The following ARMH3 variants were observed in gnomAD, a reference collection of about 807,000 sequenced individuals.
ARMH3 encodes armadillo-like helical domain-containing protein 3.
A neutral mutation model predicts 99.1 loss-of-function variants in ARMH3; 60 were observed. The ratio of observed to expected loss-of-function variants is 0.61; its 90% CI spans 0.49 to 0.75. The LOEUF is 0.75. Ranked by LOEUF, ARMH3 falls within the 30% of genes least tolerant of loss-of-function variation. ARMH3 has a pLI of 0.00. For synonymous variants in ARMH3, 285 were observed against 292.8 expected (o/e 0.97, Z 0.27); for missense variants, 679 against 843.1 (o/e 0.81, Z 2.41).
intron 8 of ARMH3, among the ~76,000 whole-genome samples, chr10:102,014,308 C>T (rs971992698): frequency 1.3e-5 from 2 of 152,212 alleles, no homozygotes; most frequent in African/African-American, 2.4e-5. Context: ...ATCACTTCTA[C>T]GATCTTTCCC....
chr10:102,007,891 C>T (rs895545009), intron 13 of ARMH3, among the ~76,000 whole-genome samples: 7 of 150,062 alleles, frequency 4.7e-5, no homozygotes, highest in African/African-American at 1.7e-4. Context: ...CCTTCCTGTT[C>T]CACAACAAAC....
chr10:101,983,763 T>A (rs963525403), intron 19 of ARMH3, among the ~76,000 whole-genome samples: 2 of 152,178 alleles, frequency 1.3e-5, no homozygotes, highest in South Asian at 2.1e-4. Context: ...ACCCTATGTA[T>A]CTCTTCATCT....
chr10:101,974,207 A>G (rs895112726), intron 20 of ARMH3, among the ~76,000 whole-genome samples: 7 of 152,232 alleles, frequency 4.6e-5, no homozygotes, highest in African/African-American at 1.7e-4. Context: ...CATTAACTAA[A>G]GATCTCTACT....
At chr10:101,901,426 C>G (rs1330158300) in intron 23 of ARMH3, among the ~76,000 whole-genome samples, 1 of 152,044 alleles carries the variant, frequency 6.6e-6, no homozygotes, top group African/African-American at 2.4e-5. Context: ...GAACATTTAC[C>G]ATAAAGCCCA....
At chr10:101,857,191 C>A (rs185212093) in intron 24 of ARMH3, among the ~76,000 whole-genome samples, 4 of 152,156 alleles carry the variant, frequency 2.6e-5, no homozygotes, top group Non-Finnish European at 5.9e-5. Context: ...GGTGCAGTGG[C>A]TCATATCTGT....
At chr10:102,000,767 C>T (rs551527554) in intron 15 of ARMH3, among the ~76,000 whole-genome samples, 74 of 151,186 alleles carry the variant, frequency 4.9e-4, no homozygotes, top group Non-Finnish European at 1.0e-3. Context: ...GAGACCCTGC[C>T]TTCAAAAAAC....
At chr10:101,858,677 G>A (rs1329494352) in intron 24 of ARMH3, among the ~76,000 whole-genome samples, 1 of 152,150 alleles carries the variant, frequency 6.6e-6, no homozygotes, top group Non-Finnish European at 1.5e-5. Context: ...TTCCTGTGGA[G>A]GAAAGAATAT....
In ARMH3 at chr10:101,905,330, G is replaced by C. The variant is rs184298494; in HGVS notation, c.1782-15840C>G. Reference sequence around the variant, plus strand: ...TTATCGTAACATATTGGATTGTGCTGGGGCAGGAATTACGGAAGTAAAAAA... The same window carrying C: ...TTATCGTAACATATTGGATTGTGCTCGGGCAGGAATTACGGAAGTAAAAAA... On this transcript the variant is annotated intron_variant, in intron 23 of 25. Transcript: ENST00000370033. Among the ~76,000 whole-genome samples, 6 of 152,274 alleles carry C rather than the reference G, an allele frequency of 3.9e-5. No individual in the cohort carries two copies. The East Asian group carries it at 1.2e-3, about 29-fold the overall frequency.
At chr10:101,918,880 T>C (rs577908445) in intron 23 of ARMH3, among the ~76,000 whole-genome samples, 1 of 152,258 alleles carries the variant, frequency 6.6e-6, no homozygotes, top group African/African-American at 2.4e-5. Flanking sequence ...AAAAAGAACA[T>C]CCAGCTTTTC....
chr10:102,033,028 G>T lies in ARMH3; in HGVS notation c.304C>A (p.Gln102Lys). The T allele has an allele frequency of 6.2e-7, 1 of 1,613,952 alleles. No individual in the cohort carries two copies. The highest frequency in any genetic ancestry group is 8.5e-7 in the Non-Finnish European group (1 of 1,179,944). Reference sequence around the variant, plus strand: ...TCCCCAGTCTCCCAGCCTTGTACCTGCAATGCATTGACAACCCGAATTGGA... The same window carrying T: ...TCCCCAGTCTCCCAGCCTTGTACCTTCAATGCATTGACAACCCGAATTGGA... ...EHPIRVVNAL[Q>K]TLCALIRGVH... The change falls in exon 4 of 26, where the codon CAG (glutamine) becomes AAG (lysine). Residue 102 changes from glutamine to lysine, a missense_variant and splice_region_variant. Coordinates refer to ENST00000370033, the MANE Select transcript of ARMH3 (RefSeq NM_024541.3).
At chr10:101,858,187 A>G (rs1234733975) in intron 24 of ARMH3, among the ~76,000 whole-genome samples, 1 of 152,262 alleles carries the variant, frequency 6.6e-6, no homozygotes, top group African/African-American at 2.4e-5. Flanking sequence ...AGATCTTGGC[A>G]GGTCACTGTT....
intron 22 of ARMH3, among the ~76,000 whole-genome samples, chr10:101,955,690 C>A (rs553726808): frequency 6.6e-6 from 1 of 152,202 alleles, no homozygotes; most frequent in South Asian, 2.1e-4. Flanking sequence ...TGAAGCAAAC[C>A]AATCTACAGT....
chr10:101,873,963 G>A (rs1307569941), intron 24 of ARMH3, among the ~76,000 whole-genome samples: 1 of 152,078 alleles, frequency 6.6e-6, no homozygotes, highest in African/African-American at 2.4e-5. Flanking sequence ...ACAGATCTTT[G>A]GGTGGATATA....
At chr10:102,029,911 GGTTTTTTTGTTTGTTT>G (rs1564865541) in intron 4 of ARMH3, among the ~76,000 whole-genome samples, 166 bp from the exon 5 acceptor site, 2 of 151,300 alleles carry the variant, frequency 1.3e-5, no homozygotes, top group Non-Finnish European at 3.0e-5. Context: ...CGTTTGGTTC[GGTTTTTTTGTTTGTTT>G]GTTTTTTTTT....
At chr10:101,921,591 G>A (rs774876462) in intron 23 of ARMH3, among the ~76,000 whole-genome samples, 23 of 152,114 alleles carry the variant, frequency 1.5e-4, no homozygotes, top group African/African-American at 4.6e-4. Flanking sequence ...AAGTGTCTAC[G>A]AATGGACAAA....
At chr10:101,879,425 C>T (rs1017292863) in intron 24 of ARMH3, among the ~76,000 whole-genome samples, 1 of 151,236 alleles carries the variant, frequency 6.6e-6, no homozygotes, top group Non-Finnish European at 1.5e-5. Context: ...TCTTGGCTTA[C>T]TGCAACCTCC....
At chr10:101,871,793 G>A (rs1041680687) in intron 24 of ARMH3, among the ~76,000 whole-genome samples, 8 of 152,110 alleles carry the variant, frequency 5.3e-5, no homozygotes, top group African/African-American at 1.9e-4. Context: ...TTGAGGCCAG[G>A]AGTTCAAGAC....
intron 23 of ARMH3, among the ~76,000 whole-genome samples, chr10:101,899,745 C>A (rs2067928413): frequency 6.6e-6 from 1 of 152,218 alleles, no homozygotes; most frequent in Non-Finnish European, 1.5e-5. Context: ...ATCCTTCTAA[C>A]TTACCCCCTA....
chr10:102,023,512 G>A lies in ARMH3; in HGVS notation c.634C>T (p.Leu212Phe). Reference sequence around the variant, plus strand: ...CTATAGTTCACCAGCAAAGCCAAGAGGACGACAGCATCATACCCATGCTCC... The same window carrying A: ...CTATAGTTCACCAGCAAAGCCAAGAAGACGACAGCATCATACCCATGCTCC... ...RREHGYDAVVLLALLVNYRKY... is the reference protein window; with the variant it reads ...RREHGYDAVVFLALLVNYRKY... The change falls in exon 8 of 26, where the codon CTC becomes TTC. Residue 212 changes from leucine to phenylalanine, a missense_variant. By Grantham distance (22) the Leu-to-Phe change is conservative. This residue lies in a region of ARMH3 where 280 missense variants were observed against 354.6 expected (regional missense o/e 0.79). Transcript: ENST00000370033. The A allele has an allele frequency of 6.2e-7, 1 of 1,614,102 alleles. No homozygotes were observed. Among genetic ancestry groups the A allele is most frequent in the Non-Finnish European group, 8.5e-7 (1 of 1,179,998 alleles).
Sources: allele counts gnomAD v4.1 joint callset (sites outside exome capture counted in the v4.1 genomes callset), GRCh38; gene constraint gnomAD v4.1.1; regional missense constraint gnomAD v4.1.1; transcripts MANE v1.5; gene names NCBI Gene and HGNC (gene_info 2026-07-23, HGNC 2026-07-21).